LYST: variants seen among roughly 807,000 people sequenced by gnomAD.
LYST encodes lysosomal trafficking regulator.
LYST carries 192 observed loss-of-function variants against 413.6 expected under a neutral mutation model. That is an observed-to-expected ratio of 0.46 (90% CI 0.41 to 0.52). LYST has a LOEUF of 0.52. Among genes scored for constraint, LYST ranks in the 20% least tolerant of loss-of-function variants. The pLI is 0.00. For synonymous variants in LYST, 1,525 were observed against 1,567.3 expected (o/e 0.97, Z 0.64); for missense variants, 3,815 against 4,499.9 (o/e 0.85, Z 4.35).
rs547173744 is a variant in LYST, at chr1:235,712,213, AATAAT to A, written c.9785-21_9785-17del. 1.6e-3 allele frequency: 2,471 copies of A among 1,548,060 alleles called. 2 individuals carry two copies. The highest frequency in any genetic ancestry group is 2.0e-3 in the Non-Finnish European group (2,226 of 1,133,446). On this transcript the variant is annotated splice_polypyrimidine_tract_variant and intron_variant, in intron 42 of 52. Coordinates refer to ENST00000389793, the MANE Select transcript of LYST (RefSeq NM_000081.4). ...AAACTTTGATCTATAAAAAAATACA[AATAAT>A]ACGATTAAGACACAAAGACCTAATT...
upstream of LYST, among the ~76,000 whole-genome samples, chr1:235,867,321 T>C (rs996970566): frequency 2.0e-5 from 3 of 152,122 alleles, no homozygotes; most frequent in African/African-American, 7.2e-5. Flanking sequence ...ACACAGACTG[T>C]CAACCTGTCC....
intron 5 of LYST, among the ~76,000 whole-genome samples, chr1:235,807,913 G>A (rs1024561394): frequency 1.3e-5 from 2 of 151,900 alleles, no homozygotes; most frequent in Admixed American, 6.6e-5. Flanking sequence ...TATTTTACAT[G>A]TAATACATAT....
chr1:235,849,222 T>C (rs1678242011), intron 1 of LYST, among the ~76,000 whole-genome samples: 1 of 152,008 alleles, frequency 6.6e-6, no homozygotes, highest in East Asian at 1.9e-4. Context: ...CATACGTAAG[T>C]CAATAAATGT....
At chr1:235,696,295 T>C (rs1309651826) in intron 46 of LYST, among the ~76,000 whole-genome samples, 3 of 152,256 alleles carry the variant, frequency 2.0e-5, no homozygotes, top group South Asian at 2.1e-4. Context: ...TGGAAGGCTA[T>C]ATATGGCTCC....
intron 10 of LYST, among the ~76,000 whole-genome samples, chr1:235,795,920 A>G (rs1253184180): frequency 6.6e-6 from 1 of 152,154 alleles, no homozygotes; most frequent in Non-Finnish European, 1.5e-5. Flanking sequence ...TCAAATATAT[A>G]CAAGGAGATA....
At chr1:235,769,896 A>G (rs1388256849) in intron 20 of LYST, among the ~76,000 whole-genome samples, 1 of 152,160 alleles carries the variant, frequency 6.6e-6, no homozygotes, top group Non-Finnish European at 1.5e-5. Flanking sequence ...CTATTATTCT[A>G]TCCCAACATA....
intron 50 of LYST, among the ~76,000 whole-genome samples, chr1:235,666,906 T>G (rs1658535620): frequency 6.6e-6 from 1 of 152,206 alleles, no homozygotes; most frequent in South Asian, 2.1e-4. Context: ...TAGGGGTTTC[T>G]CGCTGTAACC....
chr1:235,770,104 GTAT>G, intron 20 of LYST, 53 bp downstream of exon 20: 1 of 1,553,442 alleles, frequency 6.4e-7, no homozygotes, highest in South Asian at 1.1e-5. Flanking sequence ...GATGTTCATA[GTAT>G]TATTAAACAA....
At chr1:235,748,551 G>A (rs2103292723) in intron 28 of LYST, among the ~76,000 whole-genome samples, 1 of 152,208 alleles carries the variant, frequency 6.6e-6, no homozygotes, top group Admixed American at 6.5e-5. Context: ...AGTAGGTAGA[G>A]CATGATACCA....
intron 1 of LYST, chr1:235,839,784 G>A (rs954393311): frequency 2.0e-5 from 3 of 151,344 alleles, no homozygotes; most frequent in African/African-American, 4.9e-5. Context: ...CAGCCTGGGC[G>A]ACAGAGCGAG....
chr1:235,693,271 T>A, intron 47 of LYST, 79 bp downstream of exon 47: 2 of 1,072,170 alleles, frequency 1.9e-6, no homozygotes, highest in Non-Finnish European at 1.4e-6. Context: ...AGCCAAGATG[T>A]GTCACTGCGC....
At chr1:235,740,397 A>G (rs1475406116) in intron 31 of LYST, among the ~76,000 whole-genome samples, 1 of 152,076 alleles carries the variant, frequency 6.6e-6, no homozygotes, top group African/African-American at 2.4e-5. Flanking sequence ...GTTCCCTTAA[A>G]CCTCTTTCCA....
At chr1:235,801,600 T>C (rs1672234787) in intron 8 of LYST, among the ~76,000 whole-genome samples, 1 of 152,206 alleles carries the variant, frequency 6.6e-6, no homozygotes, top group African/African-American at 2.4e-5. Flanking sequence ...CTTTTAAGAC[T>C]GCTGTGCTCT....
At chr1:235,706,052 C>A (rs1464009127) in intron 44 of LYST, among the ~76,000 whole-genome samples, 1 of 152,128 alleles carries the variant, frequency 6.6e-6, no homozygotes, top group African/African-American at 2.4e-5. Flanking sequence ...CTCGGCCTCC[C>A]AAAGTGCTGG....
chr1:235,800,826 G>T, intron 9 of LYST, 45 bp downstream of exon 9: 1 of 1,288,002 alleles, frequency 7.8e-7, no homozygotes, highest in East Asian at 2.4e-5. Flanking sequence ...ATTGGGTGAT[G>T]AGTCTGATAA....
chr1:235,794,697 T>C (rs1466459751), intron 10 of LYST, among the ~76,000 whole-genome samples: 1 of 152,194 alleles, frequency 6.6e-6, no homozygotes, highest in Non-Finnish European at 1.5e-5. Context: ...AAGCAATGAG[T>C]TGACACAGTA....
intron 8 of LYST, among the ~76,000 whole-genome samples, chr1:235,801,906 C>A (rs1406302138): frequency 6.6e-6 from 1 of 152,026 alleles, no homozygotes; most frequent in Non-Finnish European, 1.5e-5. Flanking sequence ...TCAGTGAAGA[C>A]TAGCAGTGGC....
chr1:235,848,146 C>G (rs1055202084), intron 1 of LYST, among the ~76,000 whole-genome samples: 3 of 152,120 alleles, frequency 2.0e-5, no homozygotes, highest in Admixed American at 6.6e-5. Context: ...AAACGAGTCT[C>G]AATAGATTTA....
At chr1:235,715,170 A>G (rs1193919248) in intron 42 of LYST, 31 bp downstream of exon 42, 13 of 1,590,926 alleles carry the variant, frequency 8.2e-6, no homozygotes, top group African/African-American at 2.7e-5. Context: ...ATGACCCAAC[A>G]TGACTTTTTA....
Sources: gnomAD v4.1 joint callset for allele counts (sites outside exome capture counted in the v4.1 genomes callset) on GRCh38, gnomAD v4.1.1 for gene constraint, MANE v1.5 for transcripts, NCBI Gene and HGNC (gene_info 2026-07-23, HGNC 2026-07-21) for gene names.